Variants in SGCD observed in about 807,000 individuals in gnomAD.
SGCD encodes the protein sarcoglycan delta.
A neutral mutation model predicts 36.6 loss-of-function variants in SGCD; 18 were observed. The observed-to-expected ratio is 0.49, with a 90% CI of 0.34 to 0.73. The LOEUF (loss-of-function observed/expected upper bound fraction) is 0.73, where lower values mean the gene tolerates loss of function less well. Among genes scored for constraint, SGCD ranks in the 30% least tolerant of loss-of-function variants. The pLI, the probability that SGCD is intolerant of heterozygous loss-of-function variation, is 0.01. For synonymous variants in SGCD, 133 were observed against 130.6 expected (o/e 1.02, Z -0.12); for missense variants, 387 against 346.7 (o/e 1.12, Z -0.92).
At chr5:155,989,670 GTAAA>G (rs1187517245) in intron 1 of SGCD, among the ~76,000 whole-genome samples, 8 of 152,072 alleles carry the variant, frequency 5.3e-5, no homozygotes, top group Non-Finnish European at 1.2e-4. Context: ...TATACATTCT[GTAAA>G]TAAATAATAT....
At chr5:155,793,767 T>G in the SGCD span, among the ~76,000 whole-genome samples, 2 of 151,978 alleles carry the variant, frequency 1.3e-5, no homozygotes, top group African/African-American at 4.8e-5. Flanking sequence ...CAGGCTGGTC[T>G]CAAACTCCTG....
intron 1 of SGCD, among the ~76,000 whole-genome samples, chr5:155,920,372 G>A (rs113476377): frequency 1.9e-3 from 296 of 152,294 alleles, no homozygotes; most frequent in Admixed American, 2.4e-3. Context: ...TACTGAGATG[G>A]TGAGTATTAG....
chr5:156,747,482 A>G (rs1212649837), intron 7 of SGCD, among the ~76,000 whole-genome samples: 2 of 152,096 alleles, frequency 1.3e-5, no homozygotes, highest in African/African-American at 2.4e-5. Context: ...ATTTCCAAAA[A>G]CACTCTAGTG....
At chr5:156,192,640 G>T (rs1763920385) in intron 3 of SGCD, among the ~76,000 whole-genome samples, 1 of 151,882 alleles carries the variant, frequency 6.6e-6, no homozygotes, top group Non-Finnish European at 1.5e-5. Flanking sequence ...ACAATACAAA[G>T]AAATGATAAA....
At chr5:155,829,407 G>A in the SGCD span, among the ~76,000 whole-genome samples, 2 of 152,070 alleles carry the variant, frequency 1.3e-5, 1 homozygote, top group South Asian at 4.1e-4. Flanking sequence ...CACTAATAAT[G>A]CCTTGAAAAT....
At chr5:156,068,993 G>C (rs955249732) in intron 1 of SGCD, among the ~76,000 whole-genome samples, 5 of 152,028 alleles carry the variant, frequency 3.3e-5, no homozygotes, top group Non-Finnish European at 5.9e-5. Context: ...TTGTAAATTT[G>C]TTTGAGTTCA....
rs571532001 is a variant in SGCD, at chr5:156,376,051, G to A, written c.192+31374G>A. Among the ~76,000 whole-genome samples, 12 of 152,202 alleles carry A rather than the reference G, an allele frequency of 7.9e-5. No homozygotes were observed. The South Asian group carries it at 1.2e-3, about 16-fold the overall frequency. ...AGTGACTTCATATCAGTGCTTAACC[G>A]TGTGAGGCAAACACTAGATTCTGTA... On this transcript the variant is annotated intron_variant, in intron 3 of 8. Coordinates refer to ENST00000337851, the MANE Select transcript of SGCD (RefSeq NM_000337.6).
chr5:156,145,035 A>T (rs1012511814), intron 3 of SGCD, among the ~76,000 whole-genome samples: 7 of 152,160 alleles, frequency 4.6e-5, no homozygotes, highest in African/African-American at 1.7e-4. Flanking sequence ...GGACAGAATG[A>T]TGTGGTTTGA....
At position 155,995,798 on chromosome 5, in the gene SGCD, T is replaced by A. The variant is rs565752897; in HGVS notation, c.-281-122080T>A. ...ATTTCAGGCATAGTGAACCAATGGT[T>A]AAAAAAAAAATGGAATAGAGATGGC... On this transcript the variant is annotated intron_variant, in intron 1 of 9. Coordinates refer to the SGCD transcript ENST00000517913. Among the ~76,000 whole-genome samples the A allele has an allele frequency of 1.5e-4, 22 of 148,772 alleles. 1 individual carries two copies. In the South Asian group the frequency reaches 4.5e-3, roughly 30 times the overall value.
chr5:156,684,097 A>G (rs1753819341), intron 7 of SGCD, among the ~76,000 whole-genome samples: 3 of 152,224 alleles, frequency 2.0e-5, no homozygotes. Context: ...TGCACATAGT[A>G]GGTCATTAAC....
At chr5:155,829,747 C>G in the SGCD span, among the ~76,000 whole-genome samples, 19 of 152,084 alleles carry the variant, frequency 1.2e-4, no homozygotes, top group Non-Finnish European at 2.1e-4. Flanking sequence ...TTTAAACATT[C>G]TTGGTTTGGA....
intron 3 of SGCD, among the ~76,000 whole-genome samples, chr5:156,227,082 G>T (rs1212220394): frequency 6.6e-6 from 1 of 152,080 alleles, no homozygotes; most frequent in African/African-American, 2.4e-5. Flanking sequence ...CTTTTGCCAT[G>T]CAAAAGATCA....
At chr5:156,430,710 T>C (rs567178864) in intron 3 of SGCD, among the ~76,000 whole-genome samples, 1 of 152,316 alleles carries the variant, frequency 6.6e-6, no homozygotes, top group East Asian at 1.9e-4. Flanking sequence ...ATGATTATTT[T>C]AGCTTAATTT....
intron 1 of SGCD, among the ~76,000 whole-genome samples, chr5:156,081,651 C>G (rs540063482): frequency 2.0e-5 from 3 of 152,176 alleles, no homozygotes; most frequent in Non-Finnish European, 4.4e-5. Flanking sequence ...CCTTAGCCCC[C>G]ACAAAGTGCC....
At chr5:156,367,515 T>A (rs1334211051) in intron 3 of SGCD, among the ~76,000 whole-genome samples, 1 of 152,240 alleles carries the variant, frequency 6.6e-6, no homozygotes, top group Non-Finnish European at 1.5e-5. Context: ...TTCATTTTTT[T>A]AAAAGGCTCA....
At chr5:155,955,747 C>T (rs974762032) in intron 1 of SGCD, among the ~76,000 whole-genome samples, 4 of 145,318 alleles carry the variant, frequency 2.8e-5, no homozygotes, top group African/African-American at 1.0e-4. Context: ...ATTTGTGAGT[C>T]AAAATAGTTG....
intron 7 of SGCD, among the ~76,000 whole-genome samples, chr5:156,699,622 A>T (rs898238975): frequency 6.6e-6 from 1 of 152,194 alleles, no homozygotes; most frequent in Admixed American, 6.5e-5. Flanking sequence ...TCCTTGAATT[A>T]TAATCAAGAG....
chr5:156,146,305 C>G (rs1762710228), intron 3 of SGCD, among the ~76,000 whole-genome samples: 1 of 152,162 alleles, frequency 6.6e-6, no homozygotes, highest in Non-Finnish European at 1.5e-5. Context: ...AGCATACTAC[C>G]TGGTTCTCCA....
chr5:156,596,613 T>G (rs1760935245), intron 6 of SGCD, among the ~76,000 whole-genome samples: 1 of 152,176 alleles, frequency 6.6e-6, no homozygotes, highest in South Asian at 2.1e-4. Flanking sequence ...ACTCCTGTAT[T>G]TTTTCTTGGT....
Sources: gnomAD v4.1 joint callset for allele counts (sites outside exome capture counted in the v4.1 genomes callset) on GRCh38, gnomAD v4.1.1 for gene constraint, MANE v1.5 for transcripts, NCBI Gene and HGNC (gene_info 2026-07-23, HGNC 2026-07-21) for gene names.